CEP120: variants seen among roughly 807,000 people sequenced by gnomAD.
CEP120 encodes the protein centrosomal protein 120, also known as centrosomal protein of 120 kDa.
In CEP120, 113 loss-of-function variants were observed where a neutral mutation model predicts 126.5. That is an observed-to-expected ratio of 0.89 (90% CI 0.77 to 1.04). The LOEUF is 1.04. Among genes scored for constraint, CEP120 ranks in the 50% least tolerant of loss-of-function variants. The pLI, the probability that CEP120 is intolerant of heterozygous loss-of-function variation, is 0.00. For missense variants in CEP120, 1,230 were observed against 1,155.7 expected, an observed-to-expected ratio of 1.06 and a Z score of -0.93; for synonymous variants, 400 against 394.3, an observed-to-expected ratio of 1.01 and a Z score of -0.17.
intron 4 of CEP120, among the ~76,000 whole-genome samples, chr5:123,406,768 C>T (rs1474300548): frequency 1.2e-5 from 1 of 82,502 alleles, no homozygotes; most frequent in Non-Finnish European, 2.7e-5. Flanking sequence ...GTAAGAAGCT[C>T]AGATCTACAC....
intron 18 of CEP120, among the ~76,000 whole-genome samples, chr5:123,356,525 T>C (rs944247346): frequency 5.3e-5 from 8 of 152,292 alleles, no homozygotes; most frequent in Admixed American, 2.0e-4. Flanking sequence ...AAGCATTTGC[T>C]GATATAGATT....
intron 18 of CEP120, among the ~76,000 whole-genome samples, chr5:123,359,486 T>G (rs557847791): frequency 6.6e-6 from 1 of 152,066 alleles, no homozygotes; most frequent in South Asian, 2.1e-4. Flanking sequence ...CAACTTCACT[T>G]GAGTATTTGT....
chr5:123,384,814 GA>G, intron 11 of CEP120, 136 bp downstream of exon 11: 1 of 708,972 alleles, frequency 1.4e-6, no homozygotes, highest in Non-Finnish European at 2.3e-6. Flanking sequence ...GAGAAGATCA[GA>G]AAAAGGAGGT....
intron 4 of CEP120, among the ~76,000 whole-genome samples, chr5:123,409,309 A>C (rs1037002685): frequency 6.6e-6 from 1 of 152,242 alleles, no homozygotes; most frequent in African/African-American, 2.4e-5. Context: ...ATAAAAACCT[A>C]CAGCTAACAT....
chr5:123,415,419 T>C (rs1774323731), intron 3 of CEP120, among the ~76,000 whole-genome samples: 1 of 152,166 alleles, frequency 6.6e-6, no homozygotes, highest in Non-Finnish European at 1.5e-5. Context: ...TGAACCACCT[T>C]TAAAAGGAAA....
chr5:123,415,785 T>C (rs562418907), intron 3 of CEP120, among the ~76,000 whole-genome samples: 119 of 152,156 alleles, frequency 7.8e-4, no homozygotes, highest in African/African-American at 2.6e-3. Context: ...GCAGGGAGAA[T>C]TGCTTGAACT....
intron 4 of CEP120, among the ~76,000 whole-genome samples, chr5:123,411,173 A>C (rs1774031421): frequency 6.6e-6 from 1 of 152,188 alleles, no homozygotes; most frequent in African/African-American, 2.4e-5. Context: ...CAAAACACTA[A>C]CACCACCAAA....
intron 18 of CEP120, among the ~76,000 whole-genome samples, chr5:123,352,760 T>C (rs533626707): frequency 2.6e-5 from 4 of 152,162 alleles, no homozygotes; most frequent in Admixed American, 1.3e-4. Context: ...ACAGATCAAT[T>C]TGGCCAAAAC....
chr5:123,399,989 T>C (rs1773068100), intron 4 of CEP120, among the ~76,000 whole-genome samples: 1 of 152,154 alleles, frequency 6.6e-6, no homozygotes, highest in African/African-American at 2.4e-5. Context: ...ATTGATAATA[T>C]CCAATGTTGA....
intron 18 of CEP120, among the ~76,000 whole-genome samples, chr5:123,360,618 T>G (rs1237467328): frequency 1.3e-5 from 2 of 151,900 alleles, no homozygotes; most frequent in African/African-American, 4.8e-5. Context: ...CTTATTTGAA[T>G]AAAATAGCTA....
intron 16 of CEP120, among the ~76,000 whole-genome samples, chr5:123,376,235 G>C (rs1562028146): frequency 6.6e-6 from 1 of 152,120 alleles, no homozygotes; most frequent in Non-Finnish European, 1.5e-5. Flanking sequence ...TGAGGAGGAT[G>C]AATTAGGGAA....
chr5:123,401,282 G>A (rs1436907789), intron 4 of CEP120: 27 of 1,607,930 alleles, frequency 1.7e-5, no homozygotes, highest in Middle Eastern at 1.7e-4. Context: ...CCTCCAGCTC[G>A]ACAACTTGGC....
chr5:123,411,020 A>G (rs1299575197), intron 4 of CEP120, among the ~76,000 whole-genome samples: 1 of 152,222 alleles, frequency 6.6e-6, no homozygotes, highest in Non-Finnish European at 1.5e-5. Context: ...AAATGGGCCC[A>G]AGACCTGAGC....
intron 4 of CEP120, among the ~76,000 whole-genome samples, chr5:123,412,118 C>T (rs917073730): frequency 1.3e-5 from 2 of 152,208 alleles, no homozygotes; most frequent in Non-Finnish European, 2.9e-5. Context: ...CTTTCCTGTA[C>T]TCATCCTAGG....
In CEP120 at chr5:123,365,200, C is replaced by T. The variant is rs544011850; in HGVS notation, c.2482-606G>A. On this transcript the variant is annotated intron_variant, in intron 17 of 19. Transcript: ENST00000306467. The stretch of plus-strand genomic sequence containing the variant: ...AAAAATAATGTTCCTTAATAACACA[C>T]ATTCTATTTTCTATTTTTCCTCAAA... Among the ~76,000 whole-genome samples, 5 of 149,052 alleles carry T rather than the reference C, an allele frequency of 3.4e-5. No individual in the cohort carries two copies. In the South Asian group the frequency reaches 8.5e-4, roughly 25 times the overall value.
At chr5:123,360,152 C>G (rs1769968761) in intron 18 of CEP120, among the ~76,000 whole-genome samples, 1 of 151,846 alleles carries the variant, frequency 6.6e-6, no homozygotes, top group Non-Finnish European at 1.5e-5. Flanking sequence ...CTGAACAAAA[C>G]CAGATAGACG....
chr5:123,395,444 A>G (rs1463259463), intron 5 of CEP120, among the ~76,000 whole-genome samples: 1 of 152,198 alleles, frequency 6.6e-6, no homozygotes, highest in Non-Finnish European at 1.5e-5. Context: ...AAAAAATTAA[A>G]CAGCTAATTT....
intron 18 of CEP120, among the ~76,000 whole-genome samples, chr5:123,351,861 C>T (rs923013214): frequency 6.6e-6 from 1 of 152,052 alleles, no homozygotes; most frequent in African/African-American, 2.4e-5. Context: ...GAAGCATTTC[C>T]GATTAGGGAT....
rs565137644 is a variant in CEP120, at chr5:123,363,570, A to G, written c.2580+926T>C. ...GGTACATTATTTTATATTTACATAT[A>G]TATCTACCTGTCTTCATTTGTAATG... On this transcript the variant is annotated intron_variant, in intron 18 of 19. Coordinates refer to ENST00000306467, the MANE Select transcript of CEP120 (RefSeq NM_001375405.1). Among the ~76,000 whole-genome samples, 3 of 151,654 alleles carry G rather than the reference A, an allele frequency of 2.0e-5. No homozygotes were observed. In the South Asian group the frequency reaches 6.2e-4, roughly 31 times the overall value.
Sources: gnomAD v4.1 joint callset for allele counts (sites outside exome capture counted in the v4.1 genomes callset) on GRCh38, gnomAD v4.1.1 for gene constraint, MANE v1.5 for transcripts, NCBI Gene and HGNC (gene_info 2026-07-23, HGNC 2026-07-21) for gene names.